MLPH: variants seen among roughly 807,000 people sequenced by gnomAD.
MLPH encodes exophilin-3.
Under a neutral mutation model 72.1 loss-of-function variants are expected in MLPH, and 51 were observed. The observed-to-expected ratio is 0.71, with a 90% CI of 0.56 to 0.89. The LOEUF (loss-of-function observed/expected upper bound fraction) is 0.89. Ranked by LOEUF, MLPH falls within the 40% of genes least tolerant of loss-of-function variation. The pLI, the probability that MLPH is intolerant of heterozygous loss-of-function variation, is 0.00. For missense variants in MLPH, 743 were observed against 759.9 expected (o/e 0.98, Z 0.26); for synonymous variants, 301 against 310.1 (o/e 0.97, Z 0.31).
intron 6 of MLPH, among the ~76,000 whole-genome samples, chr2:237,523,960 G>A (rs919268165): frequency 1.3e-5 from 2 of 152,110 alleles, no homozygotes; most frequent in African/African-American, 4.8e-5. Flanking sequence ...CTAATACAAG[G>A]CCTGTGCTGA....
intron 2 of MLPH, among the ~76,000 whole-genome samples, chr2:237,502,079 G>A (rs1190479593): frequency 2.6e-5 from 4 of 152,158 alleles, no homozygotes; most frequent in African/African-American, 9.7e-5. Context: ...TCCTCGTGAT[G>A]TTTGCACCAA....
intron 15 of MLPH, among the ~76,000 whole-genome samples, 159 bp downstream of exon 15, chr2:237,552,596 A>G (rs1282540618): frequency 1.3e-5 from 2 of 152,250 alleles, no homozygotes; most frequent in Non-Finnish European, 1.5e-5. Flanking sequence ...ATCTTTGCCA[A>G]CGAGGGCTTG....
At chr2:237,530,440 G>A (rs903688824) in intron 8 of MLPH, among the ~76,000 whole-genome samples, 7 of 152,198 alleles carry the variant, frequency 4.6e-5, no homozygotes, top group Non-Finnish European at 1.0e-4. Flanking sequence ...GAATCATAGG[G>A]GTTTGGGTTC....
chr2:237,552,254 A>G (rs926365694), intron 14 of MLPH, 83 bp from the exon 15 acceptor site: 34 of 1,128,784 alleles, frequency 3.0e-5, no homozygotes, highest in Non-Finnish European at 4.1e-5. Flanking sequence ...TCTACCTTTT[A>G]AATTTCTGAG....
In MLPH at chr2:237,545,718, G is replaced by C. The variant is rs1430359288; in HGVS notation, c.1540-888G>C. ...CAAAACCATCCTGATTAGGACATTTGGCAAAAGAATGAAAGATGACCTTAG... is the reference window on the plus strand; with the variant it reads ...CAAAACCATCCTGATTAGGACATTTCGCAAAAGAATGAAAGATGACCTTAG... On this transcript the variant is annotated intron_variant, in intron 12 of 15. Coordinates refer to ENST00000264605, the MANE Select transcript of MLPH (RefSeq NM_024101.7). The C allele has an allele frequency of 8.7e-6, 10 of 1,155,508 alleles. No homozygotes were observed. In the East Asian group the frequency reaches 4.1e-4, roughly 47 times the overall value. 71.6% of individuals were successfully genotyped at this position (1,155,508 alleles called of 1,614,324 possible).
At chr2:237,503,049 G>A (rs1002776062) in intron 2 of MLPH, among the ~76,000 whole-genome samples, 4 of 152,266 alleles carry the variant, frequency 2.6e-5, no homozygotes, top group East Asian at 3.9e-4. Flanking sequence ...AACCCGGGGG[G>A]CAAAGGTTGC....
At chr2:237,497,713 C>A (rs2079563656) in intron 2 of MLPH, among the ~76,000 whole-genome samples, 1 of 152,188 alleles carries the variant, frequency 6.6e-6, no homozygotes, top group African/African-American at 2.4e-5. Context: ...CAATAATGAA[C>A]CTCCTTCCCT....
chr2:237,551,085 G>A (rs906546222), intron 14 of MLPH, among the ~76,000 whole-genome samples: 5 of 152,230 alleles, frequency 3.3e-5, no homozygotes, highest in African/African-American at 1.2e-4. Context: ...TCTGCCAAGC[G>A]TGGCCACGGG....
chr2:237,509,517 G>A (rs2079845893), intron 2 of MLPH, among the ~76,000 whole-genome samples: 1 of 152,186 alleles, frequency 6.6e-6, no homozygotes, highest in African/African-American at 2.4e-5. Context: ...TCTGGCTCCA[G>A]GGACTTGTGC....
At chr2:237,521,790 T>C (rs148931461) in intron 6 of MLPH, among the ~76,000 whole-genome samples, 1,401 of 78,642 alleles carry the variant, frequency 0.018, 20 homozygotes, top group Middle Eastern at 0.072. Context: ...ACACCTGCTA[T>C]GACTATAGTG....
chr2:237,515,210 G>T (rs1020458779), intron 4 of MLPH, among the ~76,000 whole-genome samples: 3 of 152,190 alleles, frequency 2.0e-5, no homozygotes, highest in Admixed American at 6.5e-5. Flanking sequence ...GAGGGTGTAC[G>T]GCACTCGGGG....
rs376391345 is a variant in MLPH at position 237,518,500 on chromosome 2, G to A, written c.446-39G>A. 4.3e-5 allele frequency: 67 copies of A among 1,546,468 alleles called. 1 individual carries two copies. In the African/African-American group the frequency reaches 8.1e-4, roughly 19 times the overall value. ...CTGACAAATGGCTTGTTCCCAGACT[G>A]TTTGTCCTTGGGTGGAGTCATGCAG... On this transcript the variant is annotated intron_variant, in intron 4 of 15. Coordinates refer to ENST00000264605, the MANE Select transcript of MLPH (RefSeq NM_024101.7).
intron 4 of MLPH, chr2:237,518,125 GGGAT>G (rs145481523): frequency 0.17 from 55,866 of 334,160 alleles, 5,525 homozygotes; most frequent in African/African-American, 0.34. Flanking sequence ...GAGGGATGGA[GGGAT>G]GGATGGATGG....
chr2:237,501,680 A>C (rs1328639329), intron 2 of MLPH, among the ~76,000 whole-genome samples: 2,839 of 137,084 alleles, frequency 0.021, 123 homozygotes, highest in African/African-American at 0.086. Context: ...AAAAAAAAAA[A>C]AAAAAAAAAT....
chr2:237,539,540 C>A (rs1197872727), intron 9 of MLPH, among the ~76,000 whole-genome samples: 2 of 152,142 alleles, frequency 1.3e-5, no homozygotes, highest in African/African-American at 4.8e-5. Flanking sequence ...TATCACATAA[C>A]TCTGCCACTT....
chr2:237,492,964 G>T (rs1299480320), intron 1 of MLPH, among the ~76,000 whole-genome samples: 1 of 152,212 alleles, frequency 6.6e-6, no homozygotes, highest in East Asian at 1.9e-4. Context: ...CTATGAATTT[G>T]CTGTGAAGTT....
At chr2:237,518,671 C>T (rs768558995) in intron 5 of MLPH, 23 bp downstream of exon 5, 2 of 1,577,334 alleles carry the variant, frequency 1.3e-6, no homozygotes, top group East Asian at 2.2e-5. Flanking sequence ...CAGCCACCCC[C>T]TCCTCAGCCA....
Position 237,540,069 on chromosome 2 carries a change from A to G in MLPH, c.1105-279A>G, listed in dbSNP as rs13429533. 0.43 allele frequency among the ~76,000 whole-genome samples: 65,483 copies of G among 152,160 alleles called. 17,928 individuals carry two copies. Among genetic ancestry groups the G allele is most frequent in the African/African-American group, 0.78 (32,449 of 41,520 alleles). On this transcript the variant is annotated intron_variant, in intron 9 of 15. Transcript: ENST00000264605. The stretch of plus-strand genomic sequence containing the variant: ...GAATAAACAAATGGCACCCTTAAAC[A>G]AAAGGGATGAGAAGGGAGAAAAAAA...
intron 4 of MLPH, 129 bp downstream of exon 4, chr2:237,511,230 ATG>A: frequency 4.0e-6 from 3 of 745,170 alleles, no homozygotes; most frequent in Non-Finnish European, 7.2e-6. Flanking sequence ...ATGTGTGTGC[ATG>A]CACATGCCTC....
Sources: allele counts gnomAD v4.1 joint callset (sites outside exome capture counted in the v4.1 genomes callset), GRCh38; gene constraint gnomAD v4.1.1; transcripts MANE v1.5; gene names NCBI Gene and HGNC (gene_info 2026-07-23, HGNC 2026-07-21).